Variants in FHIT observed in about 807,000 individuals in gnomAD.
FHIT encodes the protein fragile histidine triad diadenosine triphosphatase.
FHIT carries 19 observed loss-of-function variants against 17.9 expected under a neutral mutation model. The ratio of observed to expected loss-of-function variants is 1.06; its 90% CI spans 0.74 to 1.56. The LOEUF (loss-of-function observed/expected upper bound fraction) is 1.56. Among genes scored for constraint, FHIT ranks in the 40% most tolerant of loss-of-function variants. FHIT has a pLI of 0.00. For missense variants in FHIT, 248 were observed against 189.2 expected, an observed-to-expected ratio of 1.31 and a Z score of -1.82; for synonymous variants, 81 against 69.7, an observed-to-expected ratio of 1.16 and a Z score of -0.81.
intron 4 of FHIT, among the ~76,000 whole-genome samples, chr3:60,654,443 A>T (rs1352236112): frequency 1.3e-5 from 2 of 152,312 alleles, no homozygotes; most frequent in East Asian, 3.9e-4. Flanking sequence ...AAATGGGAGC[A>T]AAATGGAGGT....
intron 3 of FHIT, among the ~76,000 whole-genome samples, chr3:60,866,065 T>C (rs868989225): frequency 7.2e-5 from 11 of 152,140 alleles, no homozygotes; most frequent in Admixed American, 2.0e-4. Flanking sequence ...ATGCCTGTCA[T>C]CTGTTCCCAA....
intron 5 of FHIT, among the ~76,000 whole-genome samples, chr3:60,127,318 T>C (rs1705599004): frequency 1.3e-5 from 2 of 152,194 alleles, no homozygotes; most frequent in Non-Finnish European, 2.9e-5. Flanking sequence ...TTTCTATCTC[T>C]GATATCTAAA....
At position 59,900,348 on chromosome 3, in the gene FHIT, C is replaced by T. The variant is rs535562562; in HGVS notation, c.348+21998G>A. 2.6e-5 allele frequency among the ~76,000 whole-genome samples: 4 copies of T among 152,332 alleles called. 1 individual carries two copies. The South Asian group carries it at 8.3e-4, about 32-fold the overall frequency. ...GGTGAGGCTACATGGCCTTCAACCA[C>T]GTGATGTATTGGCTCCTCTGACTAA... On this transcript the variant is annotated intron_variant, in intron 8 of 9. Coordinates refer to ENST00000492590, the MANE Select transcript of FHIT (RefSeq NM_002012.4).
chr3:60,704,950 G>A (rs1553703120), intron 4 of FHIT, among the ~76,000 whole-genome samples: 1 of 151,704 alleles, frequency 6.6e-6, no homozygotes, highest in East Asian at 1.9e-4. Flanking sequence ...TCACATGACT[G>A]CCACTCTGTC....
At chr3:60,018,416 G>A (rs1559553092) in intron 5 of FHIT, among the ~76,000 whole-genome samples, 1 of 152,144 alleles carries the variant, frequency 6.6e-6, no homozygotes, top group South Asian at 2.1e-4. Flanking sequence ...GTGTTGCTGT[G>A]TGACTTTCCA....
In FHIT at chr3:59,750,721, A is replaced by G. The variant is rs528164417; in HGVS notation, c.*6-1142T>C. ...GGGGGCAAGGTAGTCTGGGTCTTTA[A>G]CTATTTAGAATACTCTAAAAAGAGG... On this transcript the variant is annotated intron_variant, in intron 9 of 9. Coordinates refer to ENST00000492590, the MANE Select transcript of FHIT (RefSeq NM_002012.4). 4.2e-5 allele frequency: 9 copies of G among 213,650 alleles called. No homozygotes were observed. The East Asian group carries it at 6.2e-4, about 15-fold the overall frequency. 13.2% of individuals were successfully genotyped at this position (213,650 alleles called of 1,614,324 possible). A position where few individuals can be genotyped will look rare whatever the true frequency, so the allele number is the denominator to read the frequency against.
At chr3:60,398,069 A>T (rs1461336532) in intron 5 of FHIT, among the ~76,000 whole-genome samples, 1 of 152,034 alleles carries the variant, frequency 6.6e-6, no homozygotes, top group East Asian at 1.9e-4. Context: ...ATTCTACTCT[A>T]CTAACTCTCC....
chr3:59,799,226 G>C (rs1699898513), intron 8 of FHIT, among the ~76,000 whole-genome samples: 1 of 152,170 alleles, frequency 6.6e-6, no homozygotes, highest in African/African-American at 2.4e-5. Flanking sequence ...TCAGCATTTT[G>C]GGTGACTGGG....
At chr3:59,794,154 A>G (rs1031667510) in intron 8 of FHIT, among the ~76,000 whole-genome samples, 27 of 152,172 alleles carry the variant, frequency 1.8e-4, no homozygotes, top group African/African-American at 5.8e-4. Context: ...TTTTAGAGAA[A>G]TATCACACGA....
chr3:60,365,956 T>A (rs1700089665), intron 5 of FHIT, among the ~76,000 whole-genome samples: 1 of 152,202 alleles, frequency 6.6e-6, no homozygotes, highest in African/African-American at 2.4e-5. Context: ...GCATACTTAG[T>A]ATTTAGAAAT....
intron 5 of FHIT, among the ~76,000 whole-genome samples, chr3:60,388,146 C>T (rs926976021): frequency 6.6e-6 from 1 of 152,154 alleles, no homozygotes; most frequent in Non-Finnish European, 1.5e-5. Flanking sequence ...TACCTAGTCT[C>T]AGGTATTCTT....
At chr3:61,227,096 A>G (rs1014157679) in intron 1 of FHIT, among the ~76,000 whole-genome samples, 1 of 152,206 alleles carries the variant, frequency 6.6e-6, no homozygotes, top group Non-Finnish European at 1.5e-5. Flanking sequence ...GGTCAGAAGT[A>G]TTAGAGCAGC....
At chr3:59,961,666 G>A (rs926163254) in intron 7 of FHIT, among the ~76,000 whole-genome samples, 1 of 152,106 alleles carries the variant, frequency 6.6e-6, no homozygotes, top group Non-Finnish European at 1.5e-5. Context: ...GCTAGGGGAG[G>A]GAGTTCCCTG....
At chr3:60,434,355 C>G (rs1394520282) in intron 5 of FHIT, among the ~76,000 whole-genome samples, 1 of 152,090 alleles carries the variant, frequency 6.6e-6, no homozygotes, top group African/African-American at 2.4e-5. Context: ...AAGTTAAATA[C>G]TCAGCAGGAA....
chr3:61,131,827 C>T (rs2106957864), intron 2 of FHIT, among the ~76,000 whole-genome samples: 1 of 152,286 alleles, frequency 6.6e-6, no homozygotes, highest in African/African-American at 2.4e-5. Context: ...CTTTACACAT[C>T]CCAGTCTTCC....
chr3:60,774,271 C>T (rs1246969319), intron 4 of FHIT, among the ~76,000 whole-genome samples: 2 of 151,958 alleles, frequency 1.3e-5, no homozygotes, highest in African/African-American at 4.8e-5. Flanking sequence ...CTGTTTTTTC[C>T]CTATATATAC....
intron 5 of FHIT, among the ~76,000 whole-genome samples, chr3:60,373,718 G>C (rs1309087870): frequency 6.6e-6 from 1 of 152,158 alleles, no homozygotes; most frequent in Non-Finnish European, 1.5e-5. Context: ...ATTGAGGAAT[G>C]CAAGGTGCAA....
chr3:60,475,944 T>C (rs2033323376), intron 5 of FHIT, among the ~76,000 whole-genome samples: 1 of 152,180 alleles, frequency 6.6e-6, no homozygotes, highest in East Asian at 1.9e-4. Flanking sequence ...TGCCACAAAG[T>C]ATTGTGTATT....
chr3:60,850,679 G>A (rs1047923382), intron 3 of FHIT, among the ~76,000 whole-genome samples: 14 of 152,054 alleles, frequency 9.2e-5, no homozygotes, highest in Admixed American at 2.0e-4. Flanking sequence ...CATGTCCTAT[G>A]GCCAACCAGG....
Sources: gnomAD v4.1 joint callset for allele counts (sites outside exome capture counted in the v4.1 genomes callset) on GRCh38, gnomAD v4.1.1 for gene constraint, MANE v1.5 for transcripts, NCBI Gene and HGNC (gene_info 2026-07-23, HGNC 2026-07-21) for gene names.